ITGBL1: variants seen among roughly 807,000 people sequenced by gnomAD.
ITGBL1 encodes the protein integrin beta-like protein 1.
A neutral mutation model predicts 68.5 loss-of-function variants in ITGBL1; 51 were observed. The ratio of observed to expected loss-of-function variants is 0.74; its 90% confidence interval spans 0.59 to 0.94. The LOEUF is 0.94. Among genes scored for constraint, ITGBL1 ranks in the 40% least tolerant of loss-of-function variants. The pLI, the probability that ITGBL1 is intolerant of heterozygous loss-of-function variation, is 0.00. For missense variants in ITGBL1, 649 were observed against 647.4 expected (o/e 1.00, Z -0.03); for synonymous variants, 209 against 227.3 (o/e 0.92, Z 0.72).
At chr13:101,479,014 A>G (rs992337095) in intron 2 of ITGBL1, among the ~76,000 whole-genome samples, 1 of 152,148 alleles carries the variant, frequency 6.6e-6, no homozygotes, top group Non-Finnish European at 1.5e-5. Flanking sequence ...CATCTTGAGC[A>G]AAAAGAACAA....
rs188457745 is a variant in ITGBL1 at position 101,512,352 on chromosome 13, C to G, written c.317-55347C>G. 1.3e-3 allele frequency among the ~76,000 whole-genome samples: 204 copies of G among 152,248 alleles called. 1 individual carries two copies. The highest frequency in any genetic ancestry group is 4.3e-3 in the African/African-American group (178 of 41,576). Reference sequence around the variant, plus strand: ...ACCATCCAGGAAATTTCTGTCTCCACGTCTCTTCTAAGATTTACCTGTACT... The same window carrying G: ...ACCATCCAGGAAATTTCTGTCTCCAGGTCTCTTCTAAGATTTACCTGTACT... On this transcript the variant is annotated intron_variant, in intron 2 of 10. Coordinates refer to ENST00000376180, the MANE Select transcript of ITGBL1 (RefSeq NM_004791.3).
At chr13:101,637,063 A>C (rs1226891355) in intron 7 of ITGBL1, among the ~76,000 whole-genome samples, 1 of 152,186 alleles carries the variant, frequency 6.6e-6, no homozygotes, top group African/African-American at 2.4e-5. Flanking sequence ...TTTTATAGTT[A>C]TAAAGTGTTC....
chr13:101,580,929 G>A (rs1019889913), intron 5 of ITGBL1, among the ~76,000 whole-genome samples: 2 of 152,218 alleles, frequency 1.3e-5, no homozygotes, highest in African/African-American at 4.8e-5. Context: ...AGAATGGGAA[G>A]CAGCTTGCCT....
intron 7 of ITGBL1, among the ~76,000 whole-genome samples, chr13:101,607,494 A>AT (rs1486550196): frequency 9.9e-5 from 15 of 152,094 alleles, no homozygotes; most frequent in Admixed American, 9.9e-4. Context: ...TCCTCTTTTT[A>AT]TTAGATATCT....
At chr13:101,582,363 G>A (rs983870604) in intron 5 of ITGBL1, among the ~76,000 whole-genome samples, 11 of 152,034 alleles carry the variant, frequency 7.2e-5, no homozygotes, top group East Asian at 1.9e-4. Context: ...TATTTTGTAC[G>A]TTTAAATCTT....
intron 2 of ITGBL1, among the ~76,000 whole-genome samples, chr13:101,461,551 C>A (rs1161172765): frequency 1.3e-5 from 2 of 152,070 alleles, no homozygotes; most frequent in African/African-American, 4.8e-5. Flanking sequence ...TTAAAAATTG[C>A]CAGACCCAGT....
chr13:101,533,519 T>C (rs980449633), intron 2 of ITGBL1, among the ~76,000 whole-genome samples: 39 of 152,338 alleles, frequency 2.6e-4, no homozygotes, highest in African/African-American at 7.0e-4. Flanking sequence ...TACTCATTCA[T>C]TGAGATACGT....
At chr13:101,575,314 T>C (rs560915516) in intron 3 of ITGBL1, 110 bp from the exon 4 acceptor site, 2 of 1,024,194 alleles carry the variant, frequency 2.0e-6, no homozygotes, top group Admixed American at 2.2e-5. Flanking sequence ...CTAATTGAAA[T>C]ATTAAATTGA....
intron 9 of ITGBL1, among the ~76,000 whole-genome samples, chr13:101,710,522 G>A (rs1471066310): frequency 1.3e-5 from 2 of 152,084 alleles, no homozygotes; most frequent in East Asian, 3.8e-4. Context: ...CATGGTGATG[G>A]AAAAGAAAAA....
At chr13:101,624,764 C>T (rs529779807) in intron 7 of ITGBL1, among the ~76,000 whole-genome samples, 2 of 152,280 alleles carry the variant, frequency 1.3e-5, no homozygotes, top group South Asian at 2.1e-4. Flanking sequence ...TGAGTGCTTC[C>T]GGAAGGTGAA....
chr13:101,591,321 A>G (rs547192865), intron 6 of ITGBL1, among the ~76,000 whole-genome samples: 4 of 152,300 alleles, frequency 2.6e-5, no homozygotes. Context: ...AAGTCTAATC[A>G]TATTCATATG....
intron 2 of ITGBL1, among the ~76,000 whole-genome samples, chr13:101,529,606 A>T (rs1170398849): frequency 6.6e-6 from 1 of 152,150 alleles, no homozygotes; most frequent in Admixed American, 6.5e-5. Context: ...CACCACCTTG[A>T]ATTGTAATCC....
intron 2 of ITGBL1, among the ~76,000 whole-genome samples, chr13:101,496,074 A>C (rs907410120): frequency 6.6e-6 from 1 of 152,190 alleles, no homozygotes; most frequent in African/African-American, 2.4e-5. Context: ...TCACAGATAC[A>C]TATATTCCAG....
At chr13:101,644,709 C>G (rs906115284) in intron 7 of ITGBL1, among the ~76,000 whole-genome samples, 1 of 152,074 alleles carries the variant, frequency 6.6e-6, no homozygotes, top group African/African-American at 2.4e-5. Flanking sequence ...GTAACTACGC[C>G]TCTGAATTTG....
At chr13:101,542,937 G>T (rs186224789) in intron 2 of ITGBL1, among the ~76,000 whole-genome samples, 424 of 151,872 alleles carry the variant, frequency 2.8e-3, no homozygotes, top group African/African-American at 9.3e-3. Flanking sequence ...CTTTTATTTT[G>T]AGCCTGTGTG....
At chr13:101,489,708 G>A (rs537299496) in intron 2 of ITGBL1, among the ~76,000 whole-genome samples, 1 of 152,266 alleles carries the variant, frequency 6.6e-6, no homozygotes, top group African/African-American at 2.4e-5. Context: ...AAGAGAGTTA[G>A]GGAACTTTTA....
chr13:101,565,492 G>A (rs1250882175), intron 2 of ITGBL1, among the ~76,000 whole-genome samples: 1 of 152,110 alleles, frequency 6.6e-6, no homozygotes, highest in Non-Finnish European at 1.5e-5. Flanking sequence ...AGATGGCCCT[G>A]TCTGACATTA....
intron 2 of ITGBL1, among the ~76,000 whole-genome samples, chr13:101,561,631 A>G (rs899322992): frequency 6.6e-6 from 1 of 152,234 alleles, no homozygotes; most frequent in African/African-American, 2.4e-5. Flanking sequence ...AGGAACAAAG[A>G]TACTAATGAC....
chr13:101,650,222 A>G (rs1166812784), intron 7 of ITGBL1, among the ~76,000 whole-genome samples: 1 of 152,202 alleles, frequency 6.6e-6, no homozygotes, highest in African/African-American at 2.4e-5. Context: ...TTTCTCAGAT[A>G]TATACTAACA....
Sources: gnomAD v4.1 joint callset for allele counts (sites outside exome capture counted in the v4.1 genomes callset) on GRCh38, gnomAD v4.1.1 for gene constraint, MANE v1.5 for transcripts, NCBI Gene and HGNC (gene_info 2026-07-23, HGNC 2026-07-21) for gene names.